Variants in NOTCH2NLC observed in about 807,000 individuals in gnomAD.
NOTCH2NLC encodes the protein notch 2 N-terminal like C.
In NOTCH2NLC, 4 loss-of-function variants were observed where a neutral mutation model predicts 17.7. The observed-to-expected ratio is 0.23, with a 90% CI of 0.11 to 0.52. The LOEUF (loss-of-function observed/expected upper bound fraction) is 0.52, where lower values mean the gene tolerates loss of function less well. Ranked by LOEUF, NOTCH2NLC falls within the 20% of genes least tolerant of loss-of-function variation. The probability of loss-of-function intolerance (pLI) is 0.96; values close to 1 mark genes in which losing one functional copy is unlikely to be tolerated. For synonymous variants in NOTCH2NLC, 18 were observed against 86.0 expected (o/e 0.21, Z 4.38); for missense variants, 57 against 207.2 (o/e 0.28, Z 4.45).
chr1:149,437,933 G>A (rs1418258204), intron 2 of NOTCH2NLC, among the ~76,000 whole-genome samples: 4 of 148,792 alleles, frequency 2.7e-5, no homozygotes, highest in African/African-American at 9.9e-5. Flanking sequence ...GTGAGAGAGA[G>A]ACTATATGGA....
rs1448734637 is a variant in NOTCH2NLC at position 149,390,637 on chromosome 1, G to C, written c.-151G>C. 1.6e-4 allele frequency: 180 copies of C among 1,159,194 alleles called. 2 individuals carry two copies. The highest frequency in any genetic ancestry group is 1.9e-4 in the Non-Finnish European group (172 of 923,220). 71.8% of individuals were successfully genotyped at this position (1,159,194 alleles called of 1,614,324 possible). ...AAGTTTCAGCCAAACTTCGGGCGGC[G>C]GCTGAGGCGGCGGCCGAGGAGCGGC... On this transcript the variant is annotated 5_prime_UTR_variant, in exon 1 of 5. Transcript: ENST00000650865.
intron 1 of NOTCH2NLC, among the ~76,000 whole-genome samples, chr1:149,417,556 G>GT (rs2084343329): frequency 6.6e-6 from 1 of 151,122 alleles, no homozygotes; most frequent in Non-Finnish European, 1.5e-5. Flanking sequence ...TTGAGTTGCA[G>GT]TTTCTTGTGT....
At chr1:149,446,272 A>C (rs1368397544) in intron 2 of NOTCH2NLC, among the ~76,000 whole-genome samples, 1 of 94,170 alleles carries the variant, frequency 1.1e-5, no homozygotes, top group Non-Finnish European at 2.1e-5. Context: ...CATGTAAACT[A>C]ATCCAGGCTG....
At chr1:149,394,656 A>G (rs2084195281) in intron 1 of NOTCH2NLC, among the ~76,000 whole-genome samples, 2 of 149,906 alleles carry the variant, frequency 1.3e-5, no homozygotes. Flanking sequence ...GCGTGATTTG[A>G]ATAAGGATAT....
intron 1 of NOTCH2NLC, among the ~76,000 whole-genome samples, chr1:149,425,531 G>A (rs1380550397): frequency 6.6e-6 from 1 of 150,994 alleles, no homozygotes; most frequent in East Asian, 2.0e-4. Context: ...TGGAAGGCCA[G>A]CATGGGAGCC....
intron 2 of NOTCH2NLC, among the ~76,000 whole-genome samples, chr1:149,433,948 C>CA (rs1167291606): frequency 0.064 from 6,749 of 104,942 alleles, 249 homozygotes; most frequent in Middle Eastern, 0.083. Context: ...ACTGTGTCTC[C>CA]AAAAAAAAAA....
chr1:149,391,910 C>CT (rs2084171145), intron 1 of NOTCH2NLC, among the ~76,000 whole-genome samples: 1 of 129,214 alleles, frequency 7.7e-6, no homozygotes, highest in South Asian at 2.6e-4. Flanking sequence ...TTCTACATTT[C>CT]TTCAGACCCT....
In NOTCH2NLC at chr1:149,470,117, TAA is replaced by T. The variant is rs1276579742; in HGVS notation, c.*5966_*5967del. Among the ~76,000 whole-genome samples the T allele has an allele frequency of 6.6e-6, 1 of 151,480 alleles. No individual in the cohort carries two copies. The highest frequency in any genetic ancestry group is 1.9e-4 in the East Asian group (1 of 5,150). On this transcript the variant is annotated 3_prime_UTR_variant, in exon 5 of 5. Transcript: ENST00000650865. Reference sequence around the variant, plus strand: ...AGAAAACATATGGACTGCAATTGGGTAAAGTTTCTGTTTCAGTACTTATTCCT... The same window carrying T: ...AGAAAACATATGGACTGCAATTGGGTAGTTTCTGTTTCAGTACTTATTCCT...
rs2084336544 is a variant in NOTCH2NLC at position 149,416,621 on chromosome 1, A to G, written c.136-14321A>G. On this transcript the variant is annotated intron_variant, in intron 1 of 4. Transcript: ENST00000650865. ...ATGATCTGGTTCCATCTCTAACTCC[A>G]TAATTTCCTTTTGCTCCTGTGTTGC... 2.5e-5 allele frequency among the ~76,000 whole-genome samples: 3 copies of G among 121,242 alleles called. No individual in the cohort carries two copies. In the Admixed American group the frequency reaches 2.6e-4, roughly 10 times the overall value. 79.5% of individuals were successfully genotyped at this position (121,242 alleles called of 152,430 possible). A position where few individuals can be genotyped will look rare whatever the true frequency, so the allele number is the denominator to read the frequency against.
chr1:149,460,835 G>T lies in NOTCH2NLC; in HGVS notation c.470-2656G>T, dbSNP rs1390108950. Among the ~76,000 whole-genome samples, 3 of 144,338 alleles carry T rather than the reference G, an allele frequency of 2.1e-5. 1 individual carries two copies. Among genetic ancestry groups the T allele is most frequent in the Non-Finnish European group, 4.6e-5 (3 of 65,190 alleles). The allele number at this position is 144,338 out of a possible 152,430, so 94.7% of individuals were successfully genotyped here. On this transcript the variant is annotated intron_variant, in intron 3 of 4. Coordinates refer to ENST00000650865, the MANE Select transcript of NOTCH2NLC (RefSeq NM_001364013.2). ...GTATATGGAAACCAAATTCAGGGTT[G>T]ATTCTTTCTTTCTTTCTCCCTTTCT...
Position 149,454,566 on chromosome 1 carries a change from G to A in NOTCH2NLC, c.210-752G>A, listed in dbSNP as rs1339653858. On this transcript the variant is annotated intron_variant, in intron 2 of 4. Coordinates refer to ENST00000650865, the MANE Select transcript of NOTCH2NLC (RefSeq NM_001364013.2). Reference sequence around the variant, plus strand: ...TTCAATTGATTCCTTCCTTCACTTTGGTGTTTATATGGTATCTTAGATATT... The same window carrying A: ...TTCAATTGATTCCTTCCTTCACTTTAGTGTTTATATGGTATCTTAGATATT... Among the ~76,000 whole-genome samples the A allele has an allele frequency of 6.1e-3, 915 of 149,738 alleles. 28 individuals carry two copies. The highest frequency in any genetic ancestry group is 0.022 in the African/African-American group (885 of 40,848).
At chr1:149,419,422 A>C (rs2084365920) in intron 1 of NOTCH2NLC, among the ~76,000 whole-genome samples, 1 of 150,706 alleles carries the variant, frequency 6.6e-6, no homozygotes, top group African/African-American at 2.4e-5. Context: ...TAATATATAC[A>C]AAATTTTCTG....
chr1:149,433,709 T>C (rs2084466498), intron 2 of NOTCH2NLC, among the ~76,000 whole-genome samples: 1 of 148,004 alleles, frequency 6.8e-6, no homozygotes, highest in South Asian at 2.2e-4. Context: ...TGTTGGACTG[T>C]TGGGCTGCTA....
intron 1 of NOTCH2NLC, among the ~76,000 whole-genome samples, chr1:149,408,033 T>TAA (rs1467349760): frequency 7.5e-6 from 1 of 133,608 alleles, no homozygotes; most frequent in Admixed American, 7.7e-5. Flanking sequence ...TAGCTTTTCT[T>TAA]AAAGCTATTC....
Position 149,460,874 on chromosome 1 carries a change from T to G in NOTCH2NLC, c.470-2617T>G, listed in dbSNP as rs1416763042. Among the ~76,000 whole-genome samples the G allele has an allele frequency of 3.1e-5, 3 of 95,872 alleles. No homozygotes were observed. The Admixed American group carries it at 3.3e-4, about 11-fold the overall frequency. 62.9% of individuals were successfully genotyped at this position (95,872 alleles called of 152,430 possible). A position where few individuals can be genotyped will look rare whatever the true frequency, so the allele number is the denominator to read the frequency against. On this transcript the variant is annotated intron_variant, in intron 3 of 4. Transcript: ENST00000650865. ...TTCTCCCTTTCTTTCTTTCTTTCTTTCTTTCTTTCTTTCTTTCTTTCTTTC... is the reference window on the plus strand; with the variant it reads ...TTCTCCCTTTCTTTCTTTCTTTCTTGCTTTCTTTCTTTCTTTCTTTCTTTC...
At chr1:149,420,124 C>T (rs1269800369) in intron 1 of NOTCH2NLC, among the ~76,000 whole-genome samples, 1 of 150,250 alleles carries the variant, frequency 6.7e-6, no homozygotes, top group Non-Finnish European at 1.5e-5. Context: ...CCCACCTCGG[C>T]CTCCCAAAGT....
At chr1:149,425,053 G>A (rs2084405372) in intron 1 of NOTCH2NLC, among the ~76,000 whole-genome samples, 1 of 151,222 alleles carries the variant, frequency 6.6e-6, no homozygotes, top group East Asian at 2.0e-4. Flanking sequence ...CAAGCACAAA[G>A]AAGATACAGA....
In NOTCH2NLC at chr1:149,390,927, G is replaced by C. The variant is rs1302280247; in HGVS notation, c.135+5G>C. On this transcript the variant is annotated splice_donor_5th_base_variant and intron_variant, in intron 1 of 4. Coordinates refer to ENST00000650865, the MANE Select transcript of NOTCH2NLC (RefSeq NM_001364013.2). ...GCTGCGCGACCCCCGCGCATGGTGA[G>C]TATCGGGCTGAGGGGCGCTGTCCGC... is the stretch of plus-strand genomic sequence containing the variant. The C allele has an allele frequency of 2.8e-6, 4 of 1,405,924 alleles. No homozygotes were observed. Among genetic ancestry groups the C allele is most frequent in the African/African-American group, 1.6e-5 (1 of 62,964 alleles). 87.1% of individuals were successfully genotyped at this position (1,405,924 alleles called of 1,614,324 possible).
chr1:149,450,239 T>C (rs2084583871), intron 2 of NOTCH2NLC, among the ~76,000 whole-genome samples: 1 of 144,940 alleles, frequency 6.9e-6, no homozygotes, highest in South Asian at 2.2e-4. Context: ...AGCCAGTAAT[T>C]TCACTTAACA....
Sources: gnomAD v4.1 joint callset for allele counts (sites outside exome capture counted in the v4.1 genomes callset) on GRCh38, gnomAD v4.1.1 for gene constraint, MANE v1.5 for transcripts, NCBI Gene and HGNC (gene_info 2026-07-23, HGNC 2026-07-21) for gene names.